ARSB: variants seen among roughly 807,000 people sequenced by gnomAD.
The protein encoded by ARSB is arylsulfatase B, also known as N-acetylgalactosamine-4-sulfatase.
A neutral mutation model predicts 50.9 loss-of-function variants in ARSB; 41 were observed. The ratio of observed to expected loss-of-function variants is 0.81; its 90% CI spans 0.63 to 1.04. The LOEUF is 1.04. Among genes scored for constraint, ARSB ranks in the 50% least tolerant of loss-of-function variants. ARSB has a pLI of 0.00. For missense variants in ARSB, 672 were observed against 693.3 expected (o/e 0.97, Z 0.35); for synonymous variants, 269 against 284.8 (o/e 0.94, Z 0.56).
intron 4 of ARSB, among the ~76,000 whole-genome samples, chr5:78,925,842 T>C (rs891688944): frequency 1.1e-4 from 17 of 152,188 alleles, no homozygotes. Context: ...ATTTCTAACC[T>C]ACCCCAGAGA....
chr5:78,834,112 C>G (rs1049386923), intron 6 of ARSB, among the ~76,000 whole-genome samples: 2 of 152,100 alleles, frequency 1.3e-5, no homozygotes, highest in African/African-American at 2.4e-5. Flanking sequence ...CAACAACTTA[C>G]TACGATGTTA....
intron 3 of ARSB, among the ~76,000 whole-genome samples, chr5:78,959,087 G>A (rs1751868719): frequency 6.6e-6 from 1 of 152,146 alleles, no homozygotes; most frequent in South Asian, 2.1e-4. Context: ...GGGACCCAGT[G>A]GGAGTTAATG....
At chr5:78,912,930 T>G (rs1179404722) in intron 4 of ARSB, among the ~76,000 whole-genome samples, 3 of 152,216 alleles carry the variant, frequency 2.0e-5, no homozygotes, top group African/African-American at 7.2e-5. Flanking sequence ...TATATCATTT[T>G]GATCACTTAA....
chr5:78,956,316 G>A (rs190772044), intron 3 of ARSB, among the ~76,000 whole-genome samples: 8 of 152,212 alleles, frequency 5.3e-5, no homozygotes, highest in Admixed American at 3.9e-4. Flanking sequence ...CAGAAATATA[G>A]GCAAATCTAT....
chr5:78,955,622 T>G (rs1310162079), intron 3 of ARSB, 120 bp from the exon 4 acceptor site: 1 of 817,598 alleles, frequency 1.2e-6, no homozygotes, highest in Non-Finnish European at 2.1e-6. Flanking sequence ...ACAGAATGCA[T>G]TGAAAGTATT....
intron 6 of ARSB, among the ~76,000 whole-genome samples, chr5:78,793,665 C>T (rs902029838): frequency 1.3e-5 from 2 of 152,142 alleles, no homozygotes; most frequent in East Asian, 3.9e-4. Context: ...TCAACAAATA[C>T]TTCTTGAACT....
intron 4 of ARSB, among the ~76,000 whole-genome samples, chr5:78,920,912 T>C (rs758219554): frequency 7.9e-5 from 12 of 152,170 alleles, no homozygotes; most frequent in Non-Finnish European, 1.8e-4. Flanking sequence ...AAGCCCATGC[T>C]ATCAGACTAT....
intron 6 of ARSB, among the ~76,000 whole-genome samples, chr5:78,825,289 G>A (rs988908573): frequency 6.6e-6 from 1 of 152,182 alleles, no homozygotes; most frequent in Non-Finnish European, 1.5e-5. Flanking sequence ...TCTTCCAAGT[G>A]TCTGTGATTT....
At chr5:78,970,699 A>G (rs1433998323) in intron 1 of ARSB, among the ~76,000 whole-genome samples, 2 of 152,186 alleles carry the variant, frequency 1.3e-5, no homozygotes, top group African/African-American at 4.8e-5. Flanking sequence ...TATCCCTACA[A>G]TCCCAACACT....
At chr5:78,982,531 C>A (rs995494641) in intron 1 of ARSB, among the ~76,000 whole-genome samples, 1 of 152,156 alleles carries the variant, frequency 6.6e-6, no homozygotes, top group African/African-American at 2.4e-5. Context: ...TAGGCATCAA[C>A]CCTAGGGCCA....
intron 5 of ARSB, among the ~76,000 whole-genome samples, chr5:78,878,205 T>C (rs1433411902): frequency 6.6e-6 from 1 of 152,226 alleles, no homozygotes; most frequent in Non-Finnish European, 1.5e-5. Context: ...TCTCACTCAG[T>C]ATAATTTTTG....
chr5:78,956,103 C>T (rs771416050), intron 3 of ARSB, among the ~76,000 whole-genome samples: 1 of 152,006 alleles, frequency 6.6e-6, no homozygotes, highest in Non-Finnish European at 1.5e-5. Flanking sequence ...TTCATAATAG[C>T]CAAAGAGTAG....
chr5:78,826,557 G>A (rs1744440949), intron 6 of ARSB, among the ~76,000 whole-genome samples: 2 of 152,276 alleles, frequency 1.3e-5, no homozygotes, highest in South Asian at 4.2e-4. Flanking sequence ...GCAGGGGGTA[G>A]CTACACAGTG....
rs569296779 is a variant in ARSB at position 78,930,000 on chromosome 5, C to G, written c.898+25295G>C. Among the ~76,000 whole-genome samples, 5 of 152,268 alleles carry G rather than the reference C, an allele frequency of 3.3e-5. 1 individual carries two copies. The highest frequency in any genetic ancestry group is 1.2e-4 in the African/African-American group (5 of 41,552). ...TGATGATCACAACCCACCATAGACA[C>G]CAACCGGTCAGGCCACTCCCTCCAG... is the stretch of plus-strand genomic sequence containing the variant. On this transcript the variant is annotated intron_variant, in intron 4 of 7. Transcript: ENST00000264914.
At chr5:78,806,020 A>C (rs1743545717) in intron 6 of ARSB, among the ~76,000 whole-genome samples, 1 of 152,202 alleles carries the variant, frequency 6.6e-6, no homozygotes, top group Non-Finnish European at 1.5e-5. Flanking sequence ...AAATGAGACT[A>C]ATACTACCAC....
intron 5 of ARSB, among the ~76,000 whole-genome samples, chr5:78,879,259 C>G (rs1366188466): frequency 6.6e-6 from 1 of 152,168 alleles, no homozygotes; most frequent in Non-Finnish European, 1.5e-5. Flanking sequence ...TATGAAATGT[C>G]TTCAAACAAC....
intron 4 of ARSB, among the ~76,000 whole-genome samples, chr5:78,909,055 T>G (rs537475626): frequency 6.6e-6 from 1 of 152,304 alleles, no homozygotes; most frequent in African/African-American, 2.4e-5. Flanking sequence ...AACGGTATAG[T>G]CTCGAAAGGC....
chr5:78,802,037 A>G (rs954589852), intron 6 of ARSB, among the ~76,000 whole-genome samples: 1 of 152,068 alleles, frequency 6.6e-6, no homozygotes, highest in Admixed American at 6.6e-5. Context: ...TTCCAACCAC[A>G]CTGGTTTCCT....
intron 5 of ARSB, among the ~76,000 whole-genome samples, chr5:78,874,030 C>T (rs1452902275): frequency 1.3e-5 from 2 of 152,124 alleles, no homozygotes. Context: ...TGATATTAGA[C>T]TTATCAACAG....
Sources: gnomAD v4.1 joint callset for allele counts (sites outside exome capture counted in the v4.1 genomes callset) on GRCh38, gnomAD v4.1.1 for gene constraint, MANE v1.5 for transcripts, NCBI Gene and HGNC (gene_info 2026-07-23, HGNC 2026-07-21) for gene names.